TRPC4: variants seen among roughly 807,000 people sequenced by gnomAD.
The protein encoded by TRPC4 is transient receptor potential cation channel subfamily C member 4, also known as short transient receptor potential channel 4.
A neutral mutation model predicts 99.4 loss-of-function variants in TRPC4; 49 were observed. The ratio of observed to expected loss-of-function variants is 0.49; its 90% confidence interval spans 0.39 to 0.63. The LOEUF is 0.63. Ranked by LOEUF, TRPC4 falls within the 20% of genes least tolerant of loss-of-function variation. The probability of loss-of-function intolerance (pLI) is 0.00; values close to 1 mark genes in which losing one functional copy is unlikely to be tolerated. For missense variants in TRPC4, 898 were observed against 1,152.9 expected, an observed-to-expected ratio of 0.78 and a Z score of 3.20; for synonymous variants, 454 against 425.9, an observed-to-expected ratio of 1.07 and a Z score of -0.81.
chr13:37,684,466 G>C (rs1158241894), intron 4 of TRPC4, among the ~76,000 whole-genome samples: 2 of 152,106 alleles, frequency 1.3e-5, no homozygotes, highest in Non-Finnish European at 2.9e-5. Context: ...CCTAAAAATA[G>C]TTACTTAAAA....
At position 37,636,776 on chromosome 13, in the gene TRPC4, T is replaced by C. The variant is rs201059303; in HGVS notation, c.*127A>G. ...CCTTATTTAAACATGTTACAGGTAATATGCCACAGCTGATAAACGCTATAA... is the reference window on the plus strand; with the variant it reads ...CCTTATTTAAACATGTTACAGGTAACATGCCACAGCTGATAAACGCTATAA... On this transcript the variant is annotated 3_prime_UTR_variant, in exon 11 of 11. Transcript: ENST00000379705. 26 of 1,289,488 alleles carry C rather than the reference T, an allele frequency of 2.0e-5. No individual in the cohort carries two copies. The highest frequency in any genetic ancestry group is 2.5e-5 in the Non-Finnish European group (24 of 973,896). 79.9% of individuals were successfully genotyped at this position (1,289,488 alleles called of 1,614,324 possible). A position where few individuals can be genotyped will look rare whatever the true frequency, so the allele number is the denominator to read the frequency against.
chr13:37,844,095 T>C (rs9548075), intron 1 of TRPC4, among the ~76,000 whole-genome samples: 38,427 of 152,114 alleles, frequency 0.25, 5,551 homozygotes, highest in Middle Eastern at 0.34. Flanking sequence ...TCTCATCCCA[T>C]GGGAAACATT....
At chr13:37,807,000 T>TTATACTGTC (rs1957543151) in intron 1 of TRPC4, among the ~76,000 whole-genome samples, 1 of 152,030 alleles carries the variant, frequency 6.6e-6, no homozygotes, top group South Asian at 2.1e-4. Flanking sequence ...ACTCCAACTA[T>TTATACTGTC]TATACTGTCC....
At chr13:37,839,295 C>G (rs1958663199) in intron 1 of TRPC4, among the ~76,000 whole-genome samples, 1 of 152,054 alleles carries the variant, frequency 6.6e-6, no homozygotes, top group Admixed American at 6.6e-5. Flanking sequence ...GTAGTAAGGA[C>G]TATAGTAAAG....
chr13:37,670,902 C>T (rs545774961), intron 5 of TRPC4, among the ~76,000 whole-genome samples: 2 of 152,240 alleles, frequency 1.3e-5, no homozygotes, highest in African/African-American at 4.8e-5. Flanking sequence ...TGATAGATAT[C>T]CACTTGTACT....
At chr13:37,685,390 G>A (rs1953432259) in intron 4 of TRPC4, among the ~76,000 whole-genome samples, 1 of 152,094 alleles carries the variant, frequency 6.6e-6, no homozygotes, top group South Asian at 2.1e-4. Context: ...TCCCTGCAAG[G>A]AATGTAAATT....
rs1566145539 is a variant in TRPC4, at chr13:37,753,609, A to AGAGAG, written c.379-7155_379-7154insCTCTC. 5.7e-5 allele frequency among the ~76,000 whole-genome samples: 6 copies of AGAGAG among 104,984 alleles called. No homozygotes were observed. In the East Asian group the frequency reaches 1.8e-3, roughly 31 times the overall value. The allele number at this position is 104,984 out of a possible 152,430, so 68.9% of individuals were successfully genotyped here. ...AGAGAGAGAGAGAGAGAGAGAGAGA[A>AGAGAG]AGAAAGAAAGAGAACACAGAAACAT... is the stretch of plus-strand genomic sequence containing the variant. On this transcript the variant is annotated intron_variant, in intron 2 of 10. Transcript: ENST00000379705.
chr13:37,778,702 T>C (rs1956767735), intron 2 of TRPC4, among the ~76,000 whole-genome samples: 2 of 152,012 alleles, frequency 1.3e-5, no homozygotes, highest in Admixed American at 1.3e-4. Flanking sequence ...GTTTATAATG[T>C]ATAGCAAAGT....
At chr13:37,766,964 T>C (rs531414859) in intron 2 of TRPC4, among the ~76,000 whole-genome samples, 23 of 151,650 alleles carry the variant, frequency 1.5e-4, no homozygotes, top group African/African-American at 4.1e-4. Context: ...TTTATTTTTC[T>C]ATTAATGAGA....
intron 1 of TRPC4, among the ~76,000 whole-genome samples, chr13:37,836,825 G>T (rs146867079): frequency 0.011 from 1,601 of 152,326 alleles, 20 homozygotes; most frequent in African/African-American, 0.036. Flanking sequence ...CCAAGACAAT[G>T]CGGAAAATGT....
intron 8 of TRPC4, among the ~76,000 whole-genome samples, chr13:37,649,148 GATAAGT>G (rs915137645): frequency 6.6e-6 from 1 of 152,090 alleles, no homozygotes; most frequent in African/African-American, 2.4e-5. Flanking sequence ...TGGTATAAAG[GATAAGT>G]ATATTTGATC....
At chr13:37,662,423 T>C (rs1054815795) in intron 6 of TRPC4, among the ~76,000 whole-genome samples, 2 of 152,166 alleles carry the variant, frequency 1.3e-5, no homozygotes, top group African/African-American at 4.8e-5. Flanking sequence ...AAAAAGATGA[T>C]GAATAACTAA....
chr13:37,651,237 G>A lies in TRPC4; in HGVS notation c.2079+28C>T, dbSNP rs547450303. 9 of 1,612,016 alleles carry A rather than the reference G, an allele frequency of 5.6e-6. No individual in the cohort carries two copies. The East Asian group carries it at 1.8e-4, about 32-fold the overall frequency. On this transcript the variant is annotated intron_variant, in intron 8 of 10. Coordinates refer to ENST00000379705, the MANE Select transcript of TRPC4 (RefSeq NM_016179.4). ...TATTCAAATACACAATTTAAAAAAA[G>A]AGTAATACTAACATGCTGTGTTCTT...
intron 3 of TRPC4, among the ~76,000 whole-genome samples, chr13:37,741,661 A>C (rs1249618576): frequency 6.6e-6 from 1 of 151,836 alleles, no homozygotes; most frequent in East Asian, 1.9e-4. Context: ...CACAACGTGA[A>C]AGCAAAGAAA....
intron 3 of TRPC4, 47 bp from the exon 4 acceptor site, chr13:37,692,382 G>A (rs781376992): frequency 7.3e-6 from 11 of 1,506,396 alleles, no homozygotes; most frequent in Middle Eastern, 2.2e-4. Flanking sequence ...CAGTTACATG[G>A]AGTGGCCTCA....
At chr13:37,653,951 C>T (rs1023239041) in intron 7 of TRPC4, among the ~76,000 whole-genome samples, 5 of 152,148 alleles carry the variant, frequency 3.3e-5, no homozygotes, top group Middle Eastern at 6.8e-3. Flanking sequence ...AATTTCAGAT[C>T]GTAAGATGCT....
chr13:37,637,468 T>A lies in TRPC4; in HGVS notation c.2369A>T (p.Lys790Met). The part of the protein sequence containing the change: ...KSDSEGNSKD[K>M]KKNFSLFDLT... Reference sequence around the variant, plus strand: ...ATCAAAAAGGCTGAAATTCTTTTTCTTGTCCTTGCTATTACCTTCGCTATC... The same window carrying A: ...ATCAAAAAGGCTGAAATTCTTTTTCATGTCCTTGCTATTACCTTCGCTATC... The change falls in exon 11 of 11, where the codon AAG (lysine) becomes ATG (methionine). Residue 790 changes from lysine (K) to methionine (M), a missense_variant. By Grantham distance (95) the Lys-to-Met change is moderately conservative. Coordinates refer to ENST00000379705, the MANE Select transcript of TRPC4 (RefSeq NM_016179.4). The A allele has an allele frequency of 6.2e-7, 1 of 1,613,806 alleles. No homozygotes were observed. The highest frequency in any genetic ancestry group is 8.5e-7 in the Non-Finnish European group (1 of 1,179,810).
intron 1 of TRPC4, among the ~76,000 whole-genome samples, chr13:37,812,524 G>A (rs924339658): frequency 4.6e-5 from 7 of 151,964 alleles, no homozygotes; most frequent in Admixed American, 3.3e-4. Flanking sequence ...CTCAATGGCA[G>A]ATTAGATATT....
At chr13:37,786,677 C>T (rs1474133526) in intron 1 of TRPC4, among the ~76,000 whole-genome samples, 1 of 151,998 alleles carries the variant, frequency 6.6e-6, no homozygotes, top group Non-Finnish European at 1.5e-5. Flanking sequence ...TGCTCCTGGT[C>T]CTCCACTTTT....
Sources: allele counts gnomAD v4.1 joint callset (sites outside exome capture counted in the v4.1 genomes callset), GRCh38; gene constraint gnomAD v4.1.1; transcripts MANE v1.5; gene names NCBI Gene and HGNC (gene_info 2026-07-23, HGNC 2026-07-21).